Variants in GLRX3 observed in about 807,000 individuals in gnomAD.
GLRX3 encodes the protein glutaredoxin 3, also known as glutaredoxin-3.
A neutral mutation model predicts 49.5 loss-of-function variants in GLRX3; 22 were observed. The ratio of observed to expected loss-of-function variants is 0.44; its 90% CI spans 0.32 to 0.63. The LOEUF is 0.63. GLRX3 is among the 30% of genes least tolerant of loss of function. GLRX3 has a pLI of 0.05. For synonymous variants in GLRX3, 133 were observed against 140.0 expected (o/e 0.95, Z 0.35); for missense variants, 385 against 396.3 (o/e 0.97, Z 0.24).
intron 10 of GLRX3, 69 bp downstream of exon 10, chr10:130,175,158 T>C (rs779227098): frequency 1.1e-6 from 1 of 892,588 alleles, no homozygotes. Context: ...TGATTTCATA[T>C]TGAATGGAAA....
At chr10:130,142,590 T>G (rs921646864) in intron 1 of GLRX3, among the ~76,000 whole-genome samples, 1 of 152,238 alleles carries the variant, frequency 6.6e-6, no homozygotes, top group African/African-American at 2.4e-5. Flanking sequence ...TTTTGTCTTT[T>G]TCTCTGCCTG....
intron 4 of GLRX3, 73 bp downstream of exon 4, chr10:130,161,070 A>T: frequency 1.0e-6 from 1 of 989,266 alleles, no homozygotes; most frequent in South Asian, 1.3e-5. Context: ...TGAGATGGGC[A>T]TCCTGTTTCC....
chr10:130,137,360 G>A (rs1003480649), intron 1 of GLRX3, among the ~76,000 whole-genome samples: 4 of 152,186 alleles, frequency 2.6e-5, no homozygotes, highest in African/African-American at 9.6e-5. Flanking sequence ...GCAGGGAAAG[G>A]TCTGCACGTG....
At chr10:130,150,623 A>T (rs1862357928) in intron 2 of GLRX3, among the ~76,000 whole-genome samples, 1 of 152,224 alleles carries the variant, frequency 6.6e-6, no homozygotes, top group African/African-American at 2.4e-5. Flanking sequence ...TGAAAGTGCG[A>T]CTATCTTAAA....
At chr10:130,170,138 T>C (rs1331621970) in intron 7 of GLRX3, among the ~76,000 whole-genome samples, 2 of 152,368 alleles carry the variant, frequency 1.3e-5, no homozygotes, top group East Asian at 3.9e-4. Context: ...CATACACATT[T>C]ATATCATATT....
chr10:130,141,007 G>A (rs1021033311), intron 1 of GLRX3, among the ~76,000 whole-genome samples: 2 of 152,088 alleles, frequency 1.3e-5, no homozygotes, highest in East Asian at 1.9e-4. Context: ...AGTACTTCTC[G>A]TCATCCTTTT....
Position 130,136,530 on chromosome 10 carries a change from C to A in GLRX3, c.92+18C>A. 1 of 1,260,820 alleles carries A rather than the reference C, an allele frequency of 7.9e-7. No individual in the cohort carries two copies. Among genetic ancestry groups the A allele is most frequent in the South Asian group, 3.5e-5 (1 of 28,806 alleles). 78.1% of individuals were successfully genotyped at this position (1,260,820 alleles called of 1,614,324 possible). On this transcript the variant is annotated intron_variant, in intron 1 of 10. Transcript: ENST00000331244. Reference sequence around the variant, plus strand: ...AAAGCCAAGTAAGCGGGGCGGCGAGCGGTAGGAGTGAGGAGCCGGAGCGGG... The same window carrying A: ...AAAGCCAAGTAAGCGGGGCGGCGAGAGGTAGGAGTGAGGAGCCGGAGCGGG...
intron 3 of GLRX3, 42 bp downstream of exon 3, chr10:130,160,111 T>A: frequency 8.6e-7 from 1 of 1,162,332 alleles, no homozygotes; most frequent in Non-Finnish European, 1.3e-6. Context: ...ATTTGTAGGG[T>A]GCCATGGGGC....
chr10:130,137,100 T>G (rs1862071308), intron 1 of GLRX3, among the ~76,000 whole-genome samples: 1 of 152,216 alleles, frequency 6.6e-6, no homozygotes, highest in African/African-American at 2.4e-5. Context: ...AAGTCAGCCT[T>G]TAAAGTTTGT....
At chr10:130,176,165 A>G (rs1862915193) in intron 10 of GLRX3, among the ~76,000 whole-genome samples, 1 of 145,408 alleles carries the variant, frequency 6.9e-6, no homozygotes, top group Non-Finnish European at 1.5e-5. Flanking sequence ...CTTGTTCCCC[A>G]CTGGAGTGCA....
At position 130,175,066 on chromosome 10, in the gene GLRX3, G is replaced by A. The variant is rs763552856; in HGVS notation, c.934G>A (p.Val312Met). 1.3e-6 allele frequency: 2 copies of A among 1,587,042 alleles called. No individual in the cohort carries two copies. The highest frequency in any genetic ancestry group is 1.7e-6 in the Non-Finnish European group (2 of 1,155,944). ...YPQLYVKGEL[V>M]GGLDIVKELK... is the part of the protein sequence containing the mutation. ...TCAGCTGTATGTGAAAGGGGAGCTG[G>A]TGGGAGGATTGGATATTGTGAAGGT... Residue 312 changes from valine (V) to methionine (M), a missense_variant, in exon 10 of 11, where the codon GTG becomes ATG. Physicochemically the swap from Val to Met is conservative, Grantham distance 21. Around this residue, in one of 2 missense-constraint regions of GLRX3, gnomAD observed 11 missense variants for 37.6 expected, o/e 0.29. Coordinates refer to ENST00000331244, the MANE Select transcript of GLRX3 (RefSeq NM_006541.5).
chr10:130,174,819 C>CT (rs1402193289), intron 8 of GLRX3, 48 bp from the exon 9 acceptor site: 2 of 1,237,446 alleles, frequency 1.6e-6, no homozygotes, highest in African/African-American at 3.0e-5. Flanking sequence ...AGGTTTTACA[C>CT]TTTGATTTAA....
intron 10 of GLRX3, among the ~76,000 whole-genome samples, chr10:130,177,299 C>T (rs976114406): frequency 2.6e-5 from 4 of 152,228 alleles, no homozygotes; most frequent in South Asian, 2.1e-4. Context: ...GAAGAGTAAA[C>T]GGTTCACTAC....
intron 4 of GLRX3, among the ~76,000 whole-genome samples, chr10:130,162,093 T>C (rs993668887): frequency 3.3e-5 from 5 of 152,234 alleles, no homozygotes; most frequent in African/African-American, 4.8e-5. Context: ...TTCTCCTGTC[T>C]CAGCCTCCCG....
chr10:130,170,221 C>T (rs886892084), intron 7 of GLRX3, among the ~76,000 whole-genome samples: 3 of 152,162 alleles, frequency 2.0e-5, no homozygotes, highest in South Asian at 4.1e-4. Flanking sequence ...GTTGGACAGA[C>T]TTTGGCCTGT....
chr10:130,140,279 G>C (rs533536214), intron 1 of GLRX3, among the ~76,000 whole-genome samples: 1 of 152,318 alleles, frequency 6.6e-6, no homozygotes, highest in African/African-American at 2.4e-5. Context: ...CATTAGTCAG[G>C]ATTTGAATGT....
intron 2 of GLRX3, among the ~76,000 whole-genome samples, chr10:130,154,917 T>TA (rs1278678798): frequency 7.3e-4 from 111 of 152,168 alleles, no homozygotes; most frequent in Non-Finnish European, 2.5e-4. Flanking sequence ...GGAACTGGGA[T>TA]AGGTGGGATA....
At chr10:130,171,783 TAGTG>T (rs1700911174) in intron 8 of GLRX3, 147 bp downstream of exon 8, 1 of 617,146 alleles carries the variant, frequency 1.6e-6, no homozygotes, top group Non-Finnish European at 2.9e-6. Context: ...CTGGACAACA[TAGTG>T]AGACCCCATC....
In GLRX3 at chr10:130,151,410, T is replaced by C. The variant is rs367793906; in HGVS notation, c.201+6091T>C. The stretch of plus-strand genomic sequence containing the variant: ...ATTATACTTTAAATTCTAGGGTACA[T>C]GTGCACAATGTGCAGGTTCGTTACA... On this transcript the variant is annotated intron_variant, in intron 2 of 10. Transcript: ENST00000331244. Among the ~76,000 whole-genome samples, 5 of 152,290 alleles carry C rather than the reference T, an allele frequency of 3.3e-5. No homozygotes were observed. In the East Asian group the frequency reaches 5.8e-4, roughly 18 times the overall value.
Sources: gnomAD v4.1 joint callset for allele counts (sites outside exome capture counted in the v4.1 genomes callset) on GRCh38, gnomAD v4.1.1 for gene constraint, gnomAD v4.1.1 regional missense constraint, MANE v1.5 for transcripts, NCBI Gene and HGNC (gene_info 2026-07-23, HGNC 2026-07-21) for gene names.